Variants in BTG3 observed in about 807,000 individuals in gnomAD.
BTG3 encodes BTG anti-proliferation factor 3.
In BTG3, 4 loss-of-function variants were observed where a neutral mutation model predicts 25.8. The ratio of observed to expected loss-of-function variants is 0.16; its 90% CI spans 0.08 to 0.36. The LOEUF is 0.36. BTG3 is among the 10% of genes least tolerant of loss of function. BTG3 has a pLI of 1.00. For synonymous variants in BTG3, 107 were observed against 99.9 expected (o/e 1.07, Z -0.42); for missense variants, 201 against 304.9 (o/e 0.66, Z 2.54).
At chr21:17,595,226 C>T (rs948177881) in intron 4 of BTG3, among the ~76,000 whole-genome samples, 1 of 151,978 alleles carries the variant, frequency 6.6e-6, no homozygotes, top group Non-Finnish European at 1.5e-5. Context: ...CAGTTTTAGA[C>T]CTCTCTGCTT....
chr21:17,598,893 CAA>C, intron 3 of BTG3, 69 bp from the exon 4 acceptor site: 2 of 1,256,278 alleles, frequency 1.6e-6, no homozygotes, highest in Non-Finnish European at 2.2e-6. Context: ...TCCATAAAAA[CAA>C]AGAGATCTGG....
At chr21:17,599,081 T>TAA in intron 3 of BTG3, 5 of 319,990 alleles carry the variant, frequency 1.6e-5, no homozygotes, top group East Asian at 1.0e-4. Flanking sequence ...TACTAATTCC[T>TAA]AAAAAAAAAA....
At chr21:17,599,105 C>CA in intron 3 of BTG3, 2 of 314,252 alleles carry the variant, frequency 6.4e-6, no homozygotes, top group Admixed American at 4.6e-5. Context: ...TTTAAAACAT[C>CA]AAAAAAAGTC....
intron 1 of BTG3, among the ~76,000 whole-genome samples, chr21:17,609,832 G>T: frequency 6.6e-6 from 1 of 152,082 alleles, no homozygotes; most frequent in Non-Finnish European, 1.5e-5. Context: ...CAATGAAAAG[G>T]AATGAGTACT....
intron 3 of BTG3, among the ~76,000 whole-genome samples, chr21:17,602,380 G>A (rs2061585509): frequency 6.6e-6 from 1 of 152,070 alleles, no homozygotes; most frequent in Admixed American, 6.6e-5. Context: ...TACAATCTTA[G>A]TCTCTAGTAT....
intron 4 of BTG3, among the ~76,000 whole-genome samples, chr21:17,594,797 A>C (rs1254485158): frequency 6.6e-6 from 1 of 151,956 alleles, no homozygotes; most frequent in African/African-American, 2.4e-5. Flanking sequence ...TAATGATAAG[A>C]ACTTATGAAC....
intron 3 of BTG3, among the ~76,000 whole-genome samples, chr21:17,600,350 T>G (rs2061556641): frequency 6.6e-6 from 1 of 152,220 alleles, no homozygotes; most frequent in African/African-American, 2.4e-5. Context: ...ATTAAAGTGA[T>G]TCTAAGTTTG....
chr21:17,605,540 A>G (rs1208765484), intron 2 of BTG3, among the ~76,000 whole-genome samples: 1 of 152,206 alleles, frequency 6.6e-6, no homozygotes, highest in Non-Finnish European at 1.5e-5. Flanking sequence ...CATTCATATC[A>G]TATACTTATG....
chr21:17,594,006 T>G lies in BTG3; in HGVS notation c.*87A>C. ...GGTTTGGCCCATCTAACTTCACTAC[T>G]ATTAGTAAGAACTTTTAACTTTTAA... On this transcript the variant is annotated 3_prime_UTR_variant, in exon 5 of 5. Coordinates refer to ENST00000348354, the MANE Select transcript of BTG3 (RefSeq NM_006806.5). 1 of 1,468,106 alleles carries G rather than the reference T, an allele frequency of 6.8e-7. No homozygotes were observed. The highest frequency in any genetic ancestry group is 9.1e-7 in the Non-Finnish European group (1 of 1,095,496). 90.9% of individuals were successfully genotyped at this position (1,468,106 alleles called of 1,614,324 possible). A position where few individuals can be genotyped will look rare whatever the true frequency, so the allele number is the denominator to read the frequency against.
At position 17,605,129 on chromosome 21, in the gene BTG3, A is replaced by G. The variant is rs996842839; in HGVS notation, c.174-132T>C. 95 of 1,025,276 alleles carry G rather than the reference A, an allele frequency of 9.3e-5. 1 individual carries two copies. Among genetic ancestry groups the G allele is most frequent in the Admixed American group, 1.4e-4 (5 of 35,856 alleles). 63.5% of individuals were successfully genotyped at this position (1,025,276 alleles called of 1,614,324 possible). A position where few individuals can be genotyped will look rare whatever the true frequency, so the allele number is the denominator to read the frequency against. On this transcript the variant is annotated intron_variant, in intron 2 of 4. Coordinates refer to ENST00000348354, the MANE Select transcript of BTG3 (RefSeq NM_006806.5). ...ATACCCTGGTAGAGAACCTAGGAGC[A>G]TATCTATCCTAAACAGATAATAAAT...
At chr21:17,594,353 T>G in intron 4 of BTG3, 21 bp from the exon 5 acceptor site, 1 of 1,599,110 alleles carries the variant, frequency 6.3e-7, no homozygotes, top group Non-Finnish European at 8.5e-7. Flanking sequence ...GAGAACACAT[T>G]AAGTTAATTC....
intron 2 of BTG3, 73 bp downstream of exon 2, chr21:17,608,898 AC>A: frequency 7.0e-7 from 1 of 1,435,294 alleles, no homozygotes; most frequent in Non-Finnish European, 9.4e-7. Flanking sequence ...TGGTCTGCAC[AC>A]CCTTCAATCA....
intron 3 of BTG3, chr21:17,604,217 C>A: frequency 1.2e-6 from 1 of 810,732 alleles, no homozygotes. Flanking sequence ...CCAAGGCGGG[C>A]GGATCACGAG....
At chr21:17,612,651 T>A (rs946281199) in intron 1 of BTG3, 48 bp downstream of exon 1, 1 of 151,884 alleles carries the variant, frequency 6.6e-6, no homozygotes, top group Non-Finnish European at 1.5e-5. Context: ...CCTCCCCCGA[T>A]ACCCACAGCC....
At chr21:17,599,076 A>C in intron 3 of BTG3, 1 of 356,154 alleles carries the variant, frequency 2.8e-6, no homozygotes, top group Non-Finnish European at 5.0e-6. Flanking sequence ...CTTTCTACTA[A>C]TTCCTAAAAA....
chr21:17,610,620 A>C (rs1392780686), intron 1 of BTG3, among the ~76,000 whole-genome samples: 1 of 152,202 alleles, frequency 6.6e-6, no homozygotes, highest in Non-Finnish European at 1.5e-5. Flanking sequence ...GATTGTTTTG[A>C]TGTATGTTGT....
At chr21:17,606,506 A>C (rs894087242) in intron 2 of BTG3, among the ~76,000 whole-genome samples, 1 of 152,166 alleles carries the variant, frequency 6.6e-6, no homozygotes, top group African/African-American at 2.4e-5. Flanking sequence ...GAAAGATCCC[A>C]TGTGCTCTGG....
chr21:17,596,544 T>C (rs1432496626), intron 4 of BTG3, among the ~76,000 whole-genome samples: 3 of 152,022 alleles, frequency 2.0e-5, no homozygotes, highest in South Asian at 4.1e-4. Flanking sequence ...CTTGAAGACT[T>C]TCCCCATTGA....
At chr21:17,603,896 G>A (rs969794408) in intron 3 of BTG3, among the ~76,000 whole-genome samples, 2 of 152,182 alleles carry the variant, frequency 1.3e-5, no homozygotes, top group Non-Finnish European at 2.9e-5. Flanking sequence ...ACATAAATCA[G>A]ATAACAATGT....
Sources: allele counts gnomAD v4.1 joint callset (sites outside exome capture counted in the v4.1 genomes callset), GRCh38; gene constraint gnomAD v4.1.1; transcripts MANE v1.5; gene names NCBI Gene and HGNC (gene_info 2026-07-23, HGNC 2026-07-21).